Variants in ARHGAP10 observed in about 807,000 individuals in gnomAD.
ARHGAP10 encodes the protein rho GTPase-activating protein 10.
A neutral mutation model predicts 108.6 loss-of-function variants in ARHGAP10; 87 were observed. The observed-to-expected ratio is 0.80, with a 90% CI of 0.67 to 0.96. The LOEUF (loss-of-function observed/expected upper bound fraction) is 0.96. Ranked by LOEUF, ARHGAP10 falls within the 40% of genes least tolerant of loss-of-function variation. ARHGAP10 has a pLI of 0.00. For missense variants in ARHGAP10, 939 were observed against 954.5 expected (o/e 0.98, Z 0.21); for synonymous variants, 347 against 341.1 (o/e 1.02, Z -0.19).
intron 18 of ARHGAP10, among the ~76,000 whole-genome samples, chr4:148,019,823 A>G (rs1741495002): frequency 6.6e-6 from 1 of 152,086 alleles, no homozygotes; most frequent in Admixed American, 6.6e-5. Flanking sequence ...CATAGCTGTT[A>G]AGATTTAAAA....
chr4:147,829,108 G>C lies in ARHGAP10; in HGVS notation c.312+6151G>C, dbSNP rs189583544. On this transcript the variant is annotated intron_variant, in intron 3 of 22. Transcript: ENST00000336498. ...GCTCTGTTGCCCAGGCTGGAGTGCA[G>C]TGGTGTGATCTCAGCTCACTGCACC... is the stretch of plus-strand genomic sequence containing the variant. Among the ~76,000 whole-genome samples, 433 of 151,102 alleles carry C rather than the reference G, an allele frequency of 2.9e-3. 5 individuals are homozygous for C. Among genetic ancestry groups the C allele is most frequent in the East Asian group, 4.3e-3 (22 of 5,096 alleles).
At chr4:147,862,744 A>G (rs1265950953) in intron 5 of ARHGAP10, 2 of 152,260 alleles carry the variant, frequency 1.3e-5, no homozygotes, top group Non-Finnish European at 2.9e-5. Flanking sequence ...TTACTAAAAG[A>G]TAAAATCAAA....
chr4:148,044,289 C>G (rs971537867), intron 19 of ARHGAP10, among the ~76,000 whole-genome samples: 1 of 151,956 alleles, frequency 6.6e-6, no homozygotes. Context: ...AACATTAAAC[C>G]CCTGGTCTCC....
chr4:147,978,136 A>G (rs951189798), intron 18 of ARHGAP10, among the ~76,000 whole-genome samples: 4 of 152,232 alleles, frequency 2.6e-5, no homozygotes, highest in African/African-American at 9.6e-5. Flanking sequence ...CAAGTACTGC[A>G]TGTGTCTTTT....
At chr4:147,971,573 G>A (rs376970919) in intron 18 of ARHGAP10, among the ~76,000 whole-genome samples, 8 of 152,282 alleles carry the variant, frequency 5.3e-5, no homozygotes, top group African/African-American at 1.9e-4. Context: ...AGGTGGAGAT[G>A]TTTTAAGAGG....
chr4:147,769,032 C>T (rs776194531), intron 1 of ARHGAP10, among the ~76,000 whole-genome samples: 53 of 152,136 alleles, frequency 3.5e-4, no homozygotes, highest in Admixed American at 9.2e-4. Context: ...GCCACTGCGT[C>T]CAGCCTTCAT....
At chr4:147,877,116 T>G (rs1391454456) in intron 8 of ARHGAP10, among the ~76,000 whole-genome samples, 1 of 152,158 alleles carries the variant, frequency 6.6e-6, no homozygotes, top group Non-Finnish European at 1.5e-5. Context: ...ACCTTGATAT[T>G]TGGGGCCAGA....
At chr4:148,042,106 A>G (rs1285357226) in intron 19 of ARHGAP10, among the ~76,000 whole-genome samples, 4 of 152,130 alleles carry the variant, frequency 2.6e-5, no homozygotes, top group Admixed American at 6.5e-5. Flanking sequence ...CATGCCTACA[A>G]CCGGTCTTAT....
intron 7 of ARHGAP10, among the ~76,000 whole-genome samples, chr4:147,868,908 G>A (rs1031749411): frequency 2.6e-5 from 4 of 152,096 alleles, no homozygotes; most frequent in African/African-American, 9.7e-5. Context: ...GCCATGGACC[G>A]GTACCTGTCG....
At chr4:148,005,034 T>A (rs1341428142) in intron 18 of ARHGAP10, among the ~76,000 whole-genome samples, 1 of 152,184 alleles carries the variant, frequency 6.6e-6, no homozygotes, top group Non-Finnish European at 1.5e-5. Context: ...GCATTAAATT[T>A]AAAAAAAGAA....
At chr4:147,830,950 T>C (rs1732933359) in intron 3 of ARHGAP10, among the ~76,000 whole-genome samples, 1 of 152,234 alleles carries the variant, frequency 6.6e-6, no homozygotes, top group African/African-American at 2.4e-5. Context: ...ATGCTATTCT[T>C]TCTTTAGTAT....
At chr4:147,808,765 C>G (rs1156252446) in intron 1 of ARHGAP10, among the ~76,000 whole-genome samples, 1 of 151,948 alleles carries the variant, frequency 6.6e-6, no homozygotes, top group Non-Finnish European at 1.5e-5. Flanking sequence ...CAACTCTGGG[C>G]CCCCTCTGGT....
intron 18 of ARHGAP10, among the ~76,000 whole-genome samples, chr4:148,022,132 A>C (rs1447119664): frequency 6.6e-6 from 1 of 152,220 alleles, no homozygotes; most frequent in Non-Finnish European, 1.5e-5. Context: ...AAACAGTGAG[A>C]CATTCTCACA....
intron 11 of ARHGAP10, among the ~76,000 whole-genome samples, chr4:147,907,266 C>G (rs1011730082): frequency 6.6e-6 from 1 of 152,168 alleles, no homozygotes; most frequent in Non-Finnish European, 1.5e-5. Flanking sequence ...CACCAAGATT[C>G]AGTCTGTTGG....
chr4:148,029,055 A>G (rs960012003), intron 19 of ARHGAP10, among the ~76,000 whole-genome samples: 2 of 152,208 alleles, frequency 1.3e-5, no homozygotes, highest in Non-Finnish European at 2.9e-5. Context: ...ACTGCTTTGA[A>G]AAATAGGTTT....
chr4:148,041,577 C>T (rs761620987), intron 19 of ARHGAP10, among the ~76,000 whole-genome samples: 1 of 152,200 alleles, frequency 6.6e-6, no homozygotes, highest in African/African-American at 2.4e-5. Flanking sequence ...TATAAACATC[C>T]TCTAAATTAT....
chr4:147,956,891 A>G (rs1436127641), intron 16 of ARHGAP10, among the ~76,000 whole-genome samples: 1 of 152,130 alleles, frequency 6.6e-6, no homozygotes, highest in Non-Finnish European at 1.5e-5. Flanking sequence ...TTGAAATTTG[A>G]ATATCAGTGT....
At chr4:147,994,795 T>G (rs1047613218) in intron 18 of ARHGAP10, among the ~76,000 whole-genome samples, 1 of 152,252 alleles carries the variant, frequency 6.6e-6, no homozygotes, top group Non-Finnish European at 1.5e-5. Flanking sequence ...ATACTTGATT[T>G]CTCTGGAATG....
In ARHGAP10 at chr4:147,901,628, T is replaced by C. The variant is rs551880612; in HGVS notation, c.1035-5010T>C. Among the ~76,000 whole-genome samples the C allele has an allele frequency of 4.5e-4, 68 of 152,362 alleles. 1 individual carries two copies. Among genetic ancestry groups the C allele is most frequent in the African/African-American group, 1.5e-3 (62 of 41,598 alleles). On this transcript the variant is annotated intron_variant, in intron 10 of 22. Transcript: ENST00000336498. ...CAAGACATATAATACTACTTTACTT[T>C]TTACGCTTCTTTGGATTTTTATCCA...
Sources: allele counts gnomAD v4.1 joint callset (sites outside exome capture counted in the v4.1 genomes callset), GRCh38; gene constraint gnomAD v4.1.1; transcripts MANE v1.5; gene names NCBI Gene and HGNC (gene_info 2026-07-23, HGNC 2026-07-21).